NELL1: variants seen among roughly 807,000 people sequenced by gnomAD.
NELL1 encodes the protein neural EGFL like 1.
Under a neutral mutation model 107.4 loss-of-function variants are expected in NELL1, and 76 were observed. The observed-to-expected ratio is 0.71, with a 90% CI of 0.59 to 0.86. The LOEUF (loss-of-function observed/expected upper bound fraction) is 0.86, where lower values mean the gene tolerates loss of function less well. NELL1 is among the 40% of genes least tolerant of loss of function. The probability of loss-of-function intolerance (pLI) is 0.00; values close to 1 mark genes in which losing one functional copy is unlikely to be tolerated. For missense variants in NELL1, 1,024 were observed against 1,005.5 expected (o/e 1.02, Z -0.25); for synonymous variants, 353 against 341.2 (o/e 1.03, Z -0.38).
chr11:21,546,434 A>G (rs1243090922), intron 16 of NELL1, among the ~76,000 whole-genome samples: 2 of 151,918 alleles, frequency 1.3e-5, no homozygotes, highest in Non-Finnish European at 2.9e-5. Flanking sequence ...CCATGTCCCC[A>G]CCCAAATCTC....
chr11:21,306,279 A>T (rs991701403), intron 14 of NELL1, among the ~76,000 whole-genome samples: 7 of 152,160 alleles, frequency 4.6e-5, no homozygotes, highest in African/African-American at 1.7e-4. Flanking sequence ...TACTGACATG[A>T]CGGGTCATTT....
chr11:21,186,288 A>T (rs1188609575), intron 13 of NELL1, among the ~76,000 whole-genome samples: 2 of 151,864 alleles, frequency 1.3e-5, no homozygotes, highest in African/African-American at 2.4e-5. Flanking sequence ...AAGCATATGC[A>T]GTTCCCTGTA....
chr11:21,232,583 T>G (rs1433171495), intron 14 of NELL1, among the ~76,000 whole-genome samples: 1 of 152,214 alleles, frequency 6.6e-6, no homozygotes, highest in Non-Finnish European at 1.5e-5. Context: ...CTTTGCCACC[T>G]TGTAACTGAA....
chr11:21,244,828 G>A (rs1258562703), intron 14 of NELL1, among the ~76,000 whole-genome samples: 1 of 152,132 alleles, frequency 6.6e-6, no homozygotes, highest in Admixed American at 6.6e-5. Flanking sequence ...TAGACTGCTT[G>A]GTTGGAAGTT....
At chr11:21,011,953 G>A (rs184160165) in intron 12 of NELL1, among the ~76,000 whole-genome samples, 41 of 152,212 alleles carry the variant, frequency 2.7e-4, no homozygotes, top group Non-Finnish European at 4.4e-4. Context: ...ATTCATCACC[G>A]TAATGTGAAG....
rs114145213 is a variant in NELL1, at chr11:21,156,531, G to T, written c.1426+42817G>T. Among the ~76,000 whole-genome samples the T allele has an allele frequency of 7.2e-3, 1,096 of 152,142 alleles. 15 individuals carry two copies. Among genetic ancestry groups the T allele is most frequent in the African/African-American group, 0.025 (1,046 of 41,502 alleles). Reference sequence around the variant, plus strand: ...AGCAGGTGTAGTTTGAGTAAGGGAGGTAGACACCTGGAAGGGGAGAAAATT... The same window carrying T: ...AGCAGGTGTAGTTTGAGTAAGGGAGTTAGACACCTGGAAGGGGAGAAAATT... On this transcript the variant is annotated intron_variant, in intron 13 of 19. Transcript: ENST00000357134.
At chr11:20,917,292 AT>A (rs1232027074) in intron 5 of NELL1, among the ~76,000 whole-genome samples, 1 of 151,916 alleles carries the variant, frequency 6.6e-6, no homozygotes, top group Admixed American at 6.6e-5. Flanking sequence ...TGATCCTGTT[AT>A]TTCTATTAAT....
chr11:21,451,323 A>C (rs780253261), intron 15 of NELL1, among the ~76,000 whole-genome samples: 3 of 152,162 alleles, frequency 2.0e-5, no homozygotes, highest in Non-Finnish European at 4.4e-5. Context: ...TCTTTTGAAT[A>C]ACATAGCAGG....
intron 15 of NELL1, among the ~76,000 whole-genome samples, chr11:21,493,561 T>C (rs1854890503): frequency 6.6e-6 from 1 of 151,300 alleles, no homozygotes; most frequent in Admixed American, 6.6e-5. Context: ...GGAGATAGAG[T>C]ATAGAATGAT....
intron 15 of NELL1, among the ~76,000 whole-genome samples, chr11:21,468,477 T>C (rs1275186388): frequency 1.3e-5 from 2 of 152,122 alleles, no homozygotes; most frequent in African/African-American, 4.8e-5. Context: ...TTTAAAATTA[T>C]TGCATTCCCA....
chr11:20,688,395 G>T (rs1470050189), intron 2 of NELL1, among the ~76,000 whole-genome samples: 2 of 151,956 alleles, frequency 1.3e-5, no homozygotes, highest in African/African-American at 2.4e-5. Flanking sequence ...TCCCCCTCTC[G>T]TAGTTCCCAG....
chr11:20,783,589 C>T, intron 2 of NELL1, 91 bp from the exon 3 acceptor site: 16 of 821,772 alleles, frequency 1.9e-5, no homozygotes, highest in South Asian at 9.4e-5. Flanking sequence ...TTCTCATCTC[C>T]CCTCTCCTCT....
intron 4 of NELL1, among the ~76,000 whole-genome samples, chr11:20,883,941 G>A (rs145862436): frequency 1.7e-4 from 26 of 152,220 alleles, no homozygotes; most frequent in African/African-American, 5.8e-4. Context: ...GTCTAAAATC[G>A]TTCATTCTAA....
chr11:21,016,415 A>C (rs946657854), intron 12 of NELL1, among the ~76,000 whole-genome samples: 1 of 152,052 alleles, frequency 6.6e-6, no homozygotes. Context: ...CAAACTCCCA[A>C]GCAGGGCACC....
chr11:21,133,836 C>T (rs922240788), intron 13 of NELL1, among the ~76,000 whole-genome samples: 2 of 152,164 alleles, frequency 1.3e-5, no homozygotes, highest in Admixed American at 1.3e-4. Context: ...CCCGGGTTCA[C>T]AACTGTGGCT....
Position 20,677,965 on chromosome 11 carries a change from T to C in NELL1, c.89T>C (p.Met30Thr), listed in dbSNP as rs1466428126. 1 of 1,614,146 alleles carries C rather than the reference T, an allele frequency of 6.2e-7. No homozygotes were observed. The highest frequency in any genetic ancestry group is 1.1e-5 in the South Asian group (1 of 91,070). ...TTTGGGATGGACCCTGACCTTCAGA[T>C]GGATATCGTCACCGAGCTTGACCTT... ...VGFGMDPDLQ[M>T]DIVTELDLVN... is the part of the protein sequence containing the mutation. Residue 30 changes from methionine (M) to threonine (T), a missense_variant, in exon 2 of 20, where the codon ATG (methionine) becomes ACG (threonine). Physicochemically the swap from Met to Thr is moderately conservative, Grantham distance 81. Coordinates refer to ENST00000357134, the MANE Select transcript of NELL1 (RefSeq NM_006157.5).
intron 13 of NELL1, among the ~76,000 whole-genome samples, chr11:21,130,180 G>A (rs1481382526): frequency 6.6e-6 from 1 of 152,124 alleles, no homozygotes; most frequent in African/African-American, 2.4e-5. Context: ...AGGTATGGAT[G>A]CTTGTTAAAT....
chr11:21,321,159 C>T (rs2133666148), intron 14 of NELL1, among the ~76,000 whole-genome samples: 2 of 152,300 alleles, frequency 1.3e-5, no homozygotes, highest in South Asian at 2.1e-4. Context: ...TGAAAATGCA[C>T]CTTTGGTGCT....
intron 13 of NELL1, among the ~76,000 whole-genome samples, chr11:21,173,515 T>C (rs4594005): frequency 0.36 from 54,411 of 151,518 alleles, 10,153 homozygotes; most frequent in Middle Eastern, 0.41. Flanking sequence ...ATGAAGACTT[T>C]CCTCACTACT....
Sources: gnomAD v4.1 joint callset for allele counts (sites outside exome capture counted in the v4.1 genomes callset) on GRCh38, gnomAD v4.1.1 for gene constraint, MANE v1.5 for transcripts, NCBI Gene and HGNC (gene_info 2026-07-23, HGNC 2026-07-21) for gene names.